The following FHIT variants were observed in gnomAD, a reference collection of about 807,000 sequenced individuals.
The protein encoded by FHIT is bis(5'-adenosyl)-triphosphatase.
In FHIT, 19 loss-of-function variants were observed where a neutral mutation model predicts 17.9. The ratio of observed to expected loss-of-function variants is 1.06; its 90% CI spans 0.74 to 1.56. The LOEUF (loss-of-function observed/expected upper bound fraction) is 1.56. Among genes scored for constraint, FHIT ranks in the 40% most tolerant of loss-of-function variants. The pLI is 0.00. For missense variants in FHIT, 248 were observed against 189.2 expected, an observed-to-expected ratio of 1.31 and a Z score of -1.82; for synonymous variants, 81 against 69.7, an observed-to-expected ratio of 1.16 and a Z score of -0.81.
intron 5 of FHIT, among the ~76,000 whole-genome samples, chr3:60,316,105 T>C (rs1406548699): frequency 6.6e-6 from 1 of 152,172 alleles, no homozygotes; most frequent in Non-Finnish European, 1.5e-5. Context: ...ACCTCTAAAA[T>C]AGCATTGTAA....
At chr3:60,082,411 T>C (rs1276777454) in intron 5 of FHIT, among the ~76,000 whole-genome samples, 2 of 152,170 alleles carry the variant, frequency 1.3e-5, no homozygotes, top group African/African-American at 4.8e-5. Context: ...GTCTTTGCTA[T>C]TGTAAATAGT....
At chr3:60,321,841 A>G (rs971399781) in intron 5 of FHIT, among the ~76,000 whole-genome samples, 1 of 152,208 alleles carries the variant, frequency 6.6e-6, no homozygotes, top group Admixed American at 6.5e-5. Flanking sequence ...TTCTTGAAGC[A>G]TCTTCAGTGG....
chr3:60,904,805 T>C (rs1553764112), intron 3 of FHIT, among the ~76,000 whole-genome samples: 1 of 151,806 alleles, frequency 6.6e-6, no homozygotes, highest in East Asian at 1.9e-4. Flanking sequence ...CCAGGCACGG[T>C]GGCAGGCGCC....
At chr3:60,567,046 A>G (rs1481434861) in intron 4 of FHIT, among the ~76,000 whole-genome samples, 1 of 149,336 alleles carries the variant, frequency 6.7e-6, no homozygotes, top group African/African-American at 2.5e-5. Flanking sequence ...AAGGTAATTT[A>G]TAGATTCAAT....
chr3:60,214,332 C>T (rs1204289861), intron 5 of FHIT, among the ~76,000 whole-genome samples: 1 of 152,120 alleles, frequency 6.6e-6, no homozygotes, highest in Non-Finnish European at 1.5e-5. Context: ...CCTTTTACTT[C>T]ACCAGGCTGC....
At chr3:61,065,142 C>T (rs1190096029) in intron 2 of FHIT, among the ~76,000 whole-genome samples, 1 of 152,092 alleles carries the variant, frequency 6.6e-6, no homozygotes, top group Non-Finnish European at 1.5e-5. Context: ...CCTGAAGAAT[C>T]ACTGTCAGGT....
At chr3:60,619,261 TAAA>T (rs1166322438) in intron 4 of FHIT, among the ~76,000 whole-genome samples, 1 of 152,084 alleles carries the variant, frequency 6.6e-6, no homozygotes, top group Admixed American at 6.6e-5. Context: ...AATGTGCGCA[TAAA>T]AAACTAAATG....
chr3:60,660,253 C>CTCTG (rs1347659280), intron 4 of FHIT, among the ~76,000 whole-genome samples: 3 of 152,134 alleles, frequency 2.0e-5, no homozygotes, highest in Non-Finnish European at 4.4e-5. Flanking sequence ...TGGCCCCTGG[C>CTCTG]TCTGTCTGCA....
chr3:60,167,591 A>G (rs183126877), intron 5 of FHIT, among the ~76,000 whole-genome samples: 5 of 152,274 alleles, frequency 3.3e-5, no homozygotes, highest in Admixed American at 1.3e-4. Flanking sequence ...TTAGTGAATG[A>G]TTAGAGGGCA....
intron 4 of FHIT, among the ~76,000 whole-genome samples, chr3:60,569,539 C>T (rs548064914): frequency 6.6e-6 from 1 of 151,544 alleles, no homozygotes; most frequent in Non-Finnish European, 1.5e-5. Flanking sequence ...TGTTTGAAGA[C>T]ACCAGGACGA....
At chr3:61,019,471 A>C (rs554955631) in intron 3 of FHIT, among the ~76,000 whole-genome samples, 93 of 152,344 alleles carry the variant, frequency 6.1e-4, no homozygotes, top group Non-Finnish European at 1.2e-3. Flanking sequence ...CCAATCATTA[A>C]GTATATGTTG....
chr3:60,571,335 CAAAAAAAAAAAAAAAAA>C (rs56094072), intron 4 of FHIT, among the ~76,000 whole-genome samples: 5 of 54,676 alleles, frequency 9.1e-5, no homozygotes, highest in Non-Finnish European at 1.3e-4. Context: ...GACTCCATCG[CAAAAAAAAAAAAAAAAA>C]AAAAAAAAAA....
intron 5 of FHIT, among the ~76,000 whole-genome samples, chr3:60,290,197 C>A (rs1159537675): frequency 6.6e-6 from 1 of 152,084 alleles, no homozygotes; most frequent in East Asian, 1.9e-4. Flanking sequence ...AGGAGATATT[C>A]CAACAGAAAA....
chr3:61,177,968 TA>T (rs1448183191), intron 2 of FHIT, among the ~76,000 whole-genome samples: 1 of 152,140 alleles, frequency 6.6e-6, no homozygotes, highest in Non-Finnish European at 1.5e-5. Flanking sequence ...AAATAAAAAT[TA>T]AAAATCTATC....
In FHIT at chr3:61,076,812, T is replaced by C. The variant is rs889986903; in HGVS notation, c.-163-34713A>G. Among the ~76,000 whole-genome samples, 6 of 152,184 alleles carry C rather than the reference T, an allele frequency of 3.9e-5. No homozygotes were observed. In the East Asian group the frequency reaches 1.2e-3, roughly 29 times the overall value. ...TGCAACAATGTGACTCCAAAATCAA[T>C]ACATTTTCCTTACACTGAAATACAA... On this transcript the variant is annotated intron_variant, in intron 2 of 9. Coordinates refer to ENST00000492590, the MANE Select transcript of FHIT (RefSeq NM_002012.4).
At chr3:59,761,141 C>G (rs1387920180) in intron 8 of FHIT, among the ~76,000 whole-genome samples, 2 of 152,176 alleles carry the variant, frequency 1.3e-5, no homozygotes, top group African/African-American at 4.8e-5. Context: ...ACAGTTGGGT[C>G]TGATATGTCA....
chr3:60,286,439 A>C (rs2107657744), intron 5 of FHIT, among the ~76,000 whole-genome samples: 1 of 152,234 alleles, frequency 6.6e-6, no homozygotes, highest in African/African-American at 2.4e-5. Context: ...AAGTATGCAA[A>C]TTTTATTGAA....
At chr3:59,786,443 A>T (rs1699300923) in intron 8 of FHIT, among the ~76,000 whole-genome samples, 1 of 152,214 alleles carries the variant, frequency 6.6e-6, no homozygotes, top group African/African-American at 2.4e-5. Flanking sequence ...GATCATAACA[A>T]TTCCTTTTTC....
chr3:60,378,027 T>C (rs564234232), intron 5 of FHIT, among the ~76,000 whole-genome samples: 10 of 151,994 alleles, frequency 6.6e-5, no homozygotes, highest in Non-Finnish European at 1.2e-4. Context: ...ATTTTGTTTG[T>C]TTGTTTGTTT....
Sources: allele counts gnomAD v4.1 joint callset (sites outside exome capture counted in the v4.1 genomes callset), GRCh38; gene constraint gnomAD v4.1.1; transcripts MANE v1.5; gene names NCBI Gene and HGNC (gene_info 2026-07-23, HGNC 2026-07-21).